The following CBLN2 variants were observed in gnomAD, a reference collection of about 807,000 sequenced individuals.
CBLN2 encodes cerebellin 2 precursor, also known as cerebellin-2.
In CBLN2, 7 loss-of-function variants were observed where a neutral mutation model predicts 15.0. The observed-to-expected ratio is 0.47, with a 90% CI of 0.27 to 0.88. The LOEUF (loss-of-function observed/expected upper bound fraction) is 0.88. Among genes scored for constraint, CBLN2 ranks in the 40% least tolerant of loss-of-function variants. The probability of loss-of-function intolerance (pLI) is 0.14; values close to 1 mark genes in which losing one functional copy is unlikely to be tolerated. For synonymous variants in CBLN2, 149 were observed against 135.2 expected (o/e 1.10, Z -0.71); for missense variants, 242 against 304.5 (o/e 0.79, Z 1.53).
chr18:72,581,250 C>G (rs1436974383), intron 1 of CBLN2, among the ~76,000 whole-genome samples: 1 of 152,004 alleles, frequency 6.6e-6, no homozygotes, highest in Non-Finnish European at 1.5e-5. Flanking sequence ...AATTGTATAC[C>G]TTGAGGAATA....
At chr18:72,562,408 A>T (rs1292741129) in intron 1 of CBLN2, among the ~76,000 whole-genome samples, 1 of 152,224 alleles carries the variant, frequency 6.6e-6, no homozygotes, top group Non-Finnish European at 1.5e-5. Context: ...TATAAGAAGA[A>T]AAATAAAACA....
intron 1 of CBLN2, chr18:72,638,181 A>G (rs770038317): frequency 4.3e-4 from 170 of 396,138 alleles, no homozygotes; most frequent in Non-Finnish European, 6.8e-4. Context: ...TATTACTAAG[A>G]AAGCAGAAGT....
At chr18:72,558,347 A>G (rs532832004) in intron 1 of CBLN2, among the ~76,000 whole-genome samples, 1 of 152,158 alleles carries the variant, frequency 6.6e-6, no homozygotes, top group Non-Finnish European at 1.5e-5. Flanking sequence ...GCTAGGAGAC[A>G]TAATACTCTG....
chr18:72,598,841 G>A (rs1023258143), intron 1 of CBLN2, among the ~76,000 whole-genome samples: 8 of 152,198 alleles, frequency 5.3e-5, no homozygotes, highest in Non-Finnish European at 1.0e-4. Flanking sequence ...GCAGCACTGA[G>A]TTCCAGTGCA....
At chr18:72,609,496 C>G (rs1433087860) in intron 1 of CBLN2, among the ~76,000 whole-genome samples, 1 of 152,106 alleles carries the variant, frequency 6.6e-6, no homozygotes, top group Admixed American at 6.5e-5. Flanking sequence ...ATCTCAGACT[C>G]TAGCCTCCAG....
intron 1 of CBLN2, among the ~76,000 whole-genome samples, chr18:72,614,636 T>G (rs2069645098): frequency 2.0e-5 from 3 of 152,178 alleles, no homozygotes; most frequent in Admixed American, 2.0e-4. Flanking sequence ...GGTATTACAA[T>G]GTAGCCTGTG....
At chr18:72,549,017 A>T (rs1285574382), upstream of CBLN2, among the ~76,000 whole-genome samples, 10 of 151,278 alleles carry the variant, frequency 6.6e-5, no homozygotes, top group African/African-American at 1.9e-4. Flanking sequence ...TTATTTATTT[A>T]TTTTTTATTT....
chr18:72,618,223 G>A lies in CBLN2; in HGVS notation c.15+20102C>T, dbSNP rs528789675. On this transcript the variant is annotated intron_variant, in intron 1 of 2. Coordinates refer to the CBLN2 transcript ENST00000581073. ...AGCTTACTCCTTTCTGCCCATGGAC[G>A]CTGCCAAGGAAGCATTGTTAAAGTC... 80 of 227,636 alleles carry A rather than the reference G, an allele frequency of 3.5e-4. 4 individuals are homozygous for A. The South Asian group carries it at 6.8e-3, about 19-fold the overall frequency. The allele number at this position is 227,636 out of a possible 1,614,324, so 14.1% of individuals were successfully genotyped here.
Position 72,624,014 on chromosome 18 carries a change from T to C in CBLN2, c.15+14311A>G, listed in dbSNP as rs142354971. On this transcript the variant is annotated intron_variant, in intron 1 of 2. Transcript: ENST00000581073. ...GTTTCTGCAAACCAGTTGAATTTTTTAGAAACATCCTCAACAAGAGCCTTT... is the reference window on the plus strand; with the variant it reads ...GTTTCTGCAAACCAGTTGAATTTTTCAGAAACATCCTCAACAAGAGCCTTT... Among the ~76,000 whole-genome samples the C allele has an allele frequency of 9.5e-4, 145 of 152,286 alleles. 1 individual carries two copies. Among genetic ancestry groups the C allele is most frequent in the African/African-American group, 3.5e-3 (144 of 41,562 alleles).
chr18:72,621,221 T>C (rs1452262105), intron 1 of CBLN2, among the ~76,000 whole-genome samples: 2 of 152,194 alleles, frequency 1.3e-5, no homozygotes, highest in African/African-American at 4.8e-5. Flanking sequence ...ACCTCTTTAA[T>C]TTGAATCTAA....
chr18:72,631,971 A>T (rs537580446), intron 1 of CBLN2, among the ~76,000 whole-genome samples: 6 of 151,078 alleles, frequency 4.0e-5, no homozygotes, highest in African/African-American at 1.2e-4. Context: ...TTAAAATTAG[A>T]CTTATCTCCA....
At chr18:72,624,494 T>C (rs1020450655) in intron 1 of CBLN2, among the ~76,000 whole-genome samples, 3 of 151,948 alleles carry the variant, frequency 2.0e-5, no homozygotes, top group Admixed American at 6.6e-5. Context: ...ACAAAAATTA[T>C]CTAGGGGTGG....
intron 1 of CBLN2, among the ~76,000 whole-genome samples, chr18:72,599,852 G>A (rs911504081): frequency 1.3e-5 from 2 of 152,228 alleles, no homozygotes; most frequent in Middle Eastern, 3.2e-3. Context: ...CCGTGAAACA[G>A]TTTGAGAGCT....
At chr18:72,611,363 G>A (rs1452893238) in intron 1 of CBLN2, among the ~76,000 whole-genome samples, 4 of 152,162 alleles carry the variant, frequency 2.6e-5, no homozygotes, top group African/African-American at 9.6e-5. Context: ...CCCACCAGTA[G>A]TGTATAAGCA....
rs140603562 is a variant in CBLN2 at position 72,550,279 on chromosome 18, C to T, written c.16-11507G>A. ...GGATTTCCCCTCAGGATCTCATCCT[C>T]TCCAATAAGCCTAAACATTTGTGAA... On this transcript the variant is annotated intron_variant, in intron 1 of 2. Transcript: ENST00000581073. 5.4e-3 allele frequency among the ~76,000 whole-genome samples: 818 copies of T among 152,314 alleles called. 6 individuals carry two copies. Among genetic ancestry groups the T allele is most frequent in the Non-Finnish European group, 9.6e-3 (654 of 68,024 alleles).
At chr18:72,573,660 T>C (rs1488905529) in intron 1 of CBLN2, among the ~76,000 whole-genome samples, 9 of 152,232 alleles carry the variant, frequency 5.9e-5, no homozygotes, top group Non-Finnish European at 4.4e-5. Flanking sequence ...TATTCCATTG[T>C]GTGTTGTACC....
intron 1 of CBLN2, among the ~76,000 whole-genome samples, chr18:72,628,927 T>C (rs1375248451): frequency 6.6e-6 from 1 of 152,144 alleles, no homozygotes. Flanking sequence ...TGTGCATAGA[T>C]TTATTTGTTG....
chr18:72,615,145 TATAA>T (rs2069649534), intron 1 of CBLN2, among the ~76,000 whole-genome samples: 1 of 133,270 alleles, frequency 7.5e-6, no homozygotes, highest in South Asian at 2.2e-4. Flanking sequence ...TATAAATAAA[TATAA>T]ATATAGAAAA....
intron 3 of CBLN2, among the ~76,000 whole-genome samples, chr18:72,541,148 T>G (rs1435623108): frequency 6.6e-6 from 1 of 152,214 alleles, no homozygotes; most frequent in Non-Finnish European, 1.5e-5. Flanking sequence ...TTTAAAAAAT[T>G]TGTACCAACA....
Sources: gnomAD v4.1 joint callset for allele counts (sites outside exome capture counted in the v4.1 genomes callset) on GRCh38, gnomAD v4.1.1 for gene constraint, MANE v1.5 for transcripts, NCBI Gene and HGNC (gene_info 2026-07-23, HGNC 2026-07-21) for gene names.